TMEM178B: variants seen among roughly 807,000 people sequenced by gnomAD.
TMEM178B encodes the protein transmembrane protein 178B.
Under a neutral mutation model 31.0 loss-of-function variants are expected in TMEM178B, and 5 were observed. The ratio of observed to expected loss-of-function variants is 0.16; its 90% CI spans 0.08 to 0.34. The LOEUF (loss-of-function observed/expected upper bound fraction) is 0.34, where lower values mean the gene tolerates loss of function less well. TMEM178B is among the 10% of genes least tolerant of loss of function. The pLI is 1.00. For synonymous variants in TMEM178B, 164 were observed against 164.0 expected (o/e 1.00, Z 0.00); for missense variants, 275 against 400.3 (o/e 0.69, Z 2.67).
chr7:141,209,060 G>T (rs1458358077), intron 1 of TMEM178B, among the ~76,000 whole-genome samples: 4 of 152,196 alleles, frequency 2.6e-5, no homozygotes, highest in Non-Finnish European at 5.9e-5. Flanking sequence ...GCAAGCCTTG[G>T]CCAGCAGAGC....
chr7:141,091,829 G>A (rs75033555), intron 1 of TMEM178B, among the ~76,000 whole-genome samples: 1 of 152,180 alleles, frequency 6.6e-6, no homozygotes, highest in African/African-American at 2.4e-5. Flanking sequence ...CCAGGCTCAA[G>A]TGATTCTCCT....
chr7:141,429,333 AC>A lies in TMEM178B; in HGVS notation c.497-8274del, dbSNP rs1801380244. Among the ~76,000 whole-genome samples, 9 of 151,216 alleles carry A rather than the reference AC, an allele frequency of 6.0e-5. No individual in the cohort carries two copies. In the South Asian group the frequency reaches 6.3e-4, roughly 11 times the overall value. On this transcript the variant is annotated intron_variant, in intron 2 of 3. Coordinates refer to ENST00000565468, the MANE Select transcript of TMEM178B (RefSeq NM_001195278.2). The stretch of plus-strand genomic sequence containing the variant: ...TACACACACACACACACACACACAC[AC>A]ACACACTCATACAATAGAATATTAT...
At chr7:141,292,001 A>G (rs569491558) in intron 2 of TMEM178B, among the ~76,000 whole-genome samples, 3 of 143,238 alleles carry the variant, frequency 2.1e-5, no homozygotes, top group Non-Finnish European at 3.0e-5. Flanking sequence ...TTGTTATTTC[A>G]TCTTGGATAC....
chr7:141,115,291 C>G (rs1035197113), intron 1 of TMEM178B, among the ~76,000 whole-genome samples: 5 of 151,842 alleles, frequency 3.3e-5, no homozygotes, highest in Non-Finnish European at 5.9e-5. Context: ...TTCACCCAAC[C>G]TGGCCTCCCA....
At chr7:141,142,411 C>CTT (rs536091548) in intron 1 of TMEM178B, among the ~76,000 whole-genome samples, 4 of 137,252 alleles carry the variant, frequency 2.9e-5, no homozygotes, top group Non-Finnish European at 3.1e-5. Context: ...TCTTTTCTTT[C>CTT]TTTTTTTTTT....
rs1365618538 is a variant in TMEM178B, at chr7:141,475,209, T to A, written c.*4423T>A. 1.3e-5 allele frequency: 2 copies of A among 152,098 alleles called. No individual in the cohort carries two copies. Among genetic ancestry groups the A allele is most frequent in the African/African-American group, 4.8e-5 (2 of 41,402 alleles). 9.4% of individuals were successfully genotyped at this position (152,098 alleles called of 1,614,324 possible). A position where few individuals can be genotyped will look rare whatever the true frequency, so the allele number is the denominator to read the frequency against. ...GCCTTCCATGCCATCTTCCAGCTGG[T>A]GTGGGATAGACTAAGGGGGCAGATT... On this transcript the variant is annotated 3_prime_UTR_variant, in exon 4 of 4. Coordinates refer to ENST00000565468, the MANE Select transcript of TMEM178B (RefSeq NM_001195278.2).
rs1287959527 is a variant in TMEM178B, at chr7:141,252,064, A to C, written c.496+39360A>C. On this transcript the variant is annotated intron_variant, in intron 2 of 3. Transcript: ENST00000565468. ...GTCCCTACCGAAGATGCTATGAAATAACTAGAGGAAGACTTTGTAAAGCTA... is the reference window on the plus strand; with the variant it reads ...GTCCCTACCGAAGATGCTATGAAATCACTAGAGGAAGACTTTGTAAAGCTA... 2.0e-5 allele frequency among the ~76,000 whole-genome samples: 3 copies of C among 152,340 alleles called. No homozygotes were observed. The East Asian group carries it at 5.8e-4, about 29-fold the overall frequency.
Position 141,184,382 on chromosome 7 carries a change from G to C in TMEM178B, c.383-28209G>C, listed in dbSNP as rs532665223. ...CCTCAAATTCTTCCCAGTGGGTTCA[G>C]AGAGTCCCCAGGAGTGTCTTACGTG... is the stretch of plus-strand genomic sequence containing the variant. On this transcript the variant is annotated intron_variant, in intron 1 of 3. Transcript: ENST00000565468. Among the ~76,000 whole-genome samples the C allele has an allele frequency of 5.3e-5, 8 of 152,220 alleles. No homozygotes were observed. The South Asian group carries it at 1.0e-3, about 20-fold the overall frequency.
chr7:141,481,584 GAT>G (rs1419236087), downstream of TMEM178B, among the ~76,000 whole-genome samples: 1 of 152,194 alleles, frequency 6.6e-6, no homozygotes, highest in Non-Finnish European at 1.5e-5. Context: ...GATTTACTCT[GAT>G]ATAGAGTAAT....
At chr7:141,119,829 C>T (rs1310990088) in intron 1 of TMEM178B, among the ~76,000 whole-genome samples, 1 of 152,152 alleles carries the variant, frequency 6.6e-6, no homozygotes, top group Non-Finnish European at 1.5e-5. Context: ...AGAATGAGAC[C>T]TCAGAGGGCA....
At chr7:141,280,818 G>C (rs993860108) in intron 2 of TMEM178B, among the ~76,000 whole-genome samples, 1 of 152,158 alleles carries the variant, frequency 6.6e-6, no homozygotes, top group Non-Finnish European at 1.5e-5. Context: ...CCTGGGTCTC[G>C]GGGGAATGAC....
chr7:141,275,235 C>T (rs535441848), intron 2 of TMEM178B, among the ~76,000 whole-genome samples: 187 of 152,282 alleles, frequency 1.2e-3, no homozygotes, highest in African/African-American at 4.4e-3. Context: ...AGTTCCTATG[C>T]CCAGCACTGT....
rs59281560 is a variant in TMEM178B, at chr7:141,245,170, C to CAAAAAAAA, written c.496+32499_496+32506dup. On this transcript the variant is annotated intron_variant, in intron 2 of 3. Coordinates refer to ENST00000565468, the MANE Select transcript of TMEM178B (RefSeq NM_001195278.2). ...GGGTGACAGAGCAAGACTCCATCAC[C>CAAAAAAAA]AAAAAAAAAAAAAAAAAAAAAAAAA... is the stretch of plus-strand genomic sequence containing the variant. Among the ~76,000 whole-genome samples, 33 of 23,100 alleles carry CAAAAAAAA rather than the reference C, an allele frequency of 1.4e-3. 6 individuals carry two copies. The highest frequency in any genetic ancestry group is 3.9e-3 in the East Asian group (4 of 1,018). 15.2% of individuals were successfully genotyped at this position (23,100 alleles called of 152,430 possible).
intron 2 of TMEM178B, among the ~76,000 whole-genome samples, chr7:141,431,969 C>G (rs1801438353): frequency 6.6e-6 from 1 of 152,066 alleles, no homozygotes; most frequent in Non-Finnish European, 1.5e-5. Context: ...AGGACTTACT[C>G]AAGTGCAAAT....
intron 1 of TMEM178B, among the ~76,000 whole-genome samples, chr7:141,211,615 G>A (rs1185494299): frequency 1.3e-5 from 2 of 152,014 alleles, no homozygotes; most frequent in South Asian, 4.2e-4. Context: ...TTATATCCCC[G>A]AGATGAGCAA....
intron 2 of TMEM178B, among the ~76,000 whole-genome samples, chr7:141,431,637 CAG>C (rs1163149829): frequency 6.6e-6 from 1 of 152,242 alleles, no homozygotes; most frequent in Non-Finnish European, 1.5e-5. Flanking sequence ...CCTTTGCCTG[CAG>C]AGTCAAACTC....
intron 1 of TMEM178B, among the ~76,000 whole-genome samples, chr7:141,119,322 G>A (rs980074835): frequency 4.6e-5 from 7 of 152,146 alleles, no homozygotes; most frequent in Non-Finnish European, 1.0e-4. Flanking sequence ...GTCCCACTTG[G>A]TCCCAGTGAG....
At chr7:141,373,681 C>T (rs540740096) in intron 2 of TMEM178B, among the ~76,000 whole-genome samples, 15 of 152,272 alleles carry the variant, frequency 9.9e-5, no homozygotes, top group South Asian at 2.1e-4. Flanking sequence ...AGGCTGCTCC[C>T]GGGGAAGGGG....
At chr7:141,339,212 A>G (rs1309038459) in intron 2 of TMEM178B, among the ~76,000 whole-genome samples, 2 of 152,184 alleles carry the variant, frequency 1.3e-5, no homozygotes, top group African/African-American at 4.8e-5. Flanking sequence ...GAGTGGAAAG[A>G]TGGCCCTTCC....
Sources: allele counts gnomAD v4.1 joint callset (sites outside exome capture counted in the v4.1 genomes callset), GRCh38; gene constraint gnomAD v4.1.1; transcripts MANE v1.5; gene names NCBI Gene and HGNC (gene_info 2026-07-23, HGNC 2026-07-21).